The following SBSPON variants were observed in gnomAD, a reference collection of about 807,000 sequenced individuals.
The protein encoded by SBSPON is somatomedin B and thrombospondin type 1 domain containing.
In SBSPON, 30 loss-of-function variants were observed where a neutral mutation model predicts 35.8. The ratio of observed to expected loss-of-function variants is 0.84; its 90% confidence interval spans 0.63 to 1.14. The LOEUF is 1.14. Among genes scored for constraint, SBSPON ranks in the 50% most tolerant of loss-of-function variants. The pLI is 0.00. For missense variants in SBSPON, 364 were observed against 357.7 expected (o/e 1.02, Z -0.14); for synonymous variants, 136 against 135.9 (o/e 1.00, Z 0.00).
intron 2 of SBSPON, among the ~76,000 whole-genome samples, chr8:73,078,295 G>A (rs910512104): frequency 1.3e-5 from 2 of 152,162 alleles, no homozygotes; most frequent in African/African-American, 4.8e-5. Context: ...CTTGTGACAG[G>A]AGTAATCATC....
chr8:73,067,713 A>G (rs188235013), intron 4 of SBSPON, among the ~76,000 whole-genome samples: 40 of 7,686 alleles, frequency 5.2e-3, no homozygotes, highest in African/African-American at 0.018. Flanking sequence ...TTTTATAAAG[A>G]AAAATTATTT....
intron 2 of SBSPON, among the ~76,000 whole-genome samples, chr8:73,076,141 G>C (rs1290280711): frequency 6.6e-6 from 1 of 152,120 alleles, no homozygotes; most frequent in East Asian, 1.9e-4. Flanking sequence ...TTAGAGCCGG[G>C]AGATCCAGGT....
In SBSPON at chr8:73,069,874, A is replaced by G. The variant is rs771147323; in HGVS notation, c.608T>C (p.Val203Ala). The change falls in exon 4 of 5, where the codon GTG becomes GCG. Residue 203 changes from valine to alanine, a missense_variant. Val to Ala is a moderately conservative substitution (Grantham distance 64). Coordinates refer to ENST00000297354, the MANE Select transcript of SBSPON (RefSeq NM_153225.4). ...GTTCATAGCTGGAGGCTGACAATCC[A>G]CACACACCGTGTATCCCTCTCGGAG... ...QYLREGYTVCVDCQPPAMNSV... is the reference protein window; with the variant it reads ...QYLREGYTVCADCQPPAMNSV... 2.6e-5 allele frequency: 42 copies of G among 1,613,946 alleles called. No homozygotes were observed. The Middle Eastern group carries it at 8.2e-4, about 32-fold the overall frequency.
intron 1 of SBSPON, among the ~76,000 whole-genome samples, chr8:73,090,917 C>T (rs1184186953): frequency 2.0e-5 from 3 of 152,224 alleles, no homozygotes; most frequent in African/African-American, 7.2e-5. Context: ...TCTCACTATT[C>T]TACCGCCTAG....
intron 1 of SBSPON, chr8:73,086,005 G>C (rs974918443): frequency 2.6e-5 from 4 of 152,106 alleles, no homozygotes; most frequent in Non-Finnish European, 4.4e-5. Flanking sequence ...TCATTCCTAA[G>C]GAAATGTTCT....
chr8:73,088,936 A>G (rs1810883672), intron 1 of SBSPON, among the ~76,000 whole-genome samples: 1 of 152,136 alleles, frequency 6.6e-6, no homozygotes. Flanking sequence ...AAATGCTAGT[A>G]TAGGTCACCA....
rs572863551 is a variant in SBSPON at position 73,073,531 on chromosome 8, C to T, written c.410-1661G>A. Among the ~76,000 whole-genome samples the T allele has an allele frequency of 7.2e-5, 11 of 152,224 alleles. No individual in the cohort carries two copies. In the South Asian group the frequency reaches 2.1e-3, roughly 29 times the overall value. On this transcript the variant is annotated intron_variant, in intron 2 of 4. Coordinates refer to ENST00000297354, the MANE Select transcript of SBSPON (RefSeq NM_153225.4). Reference sequence around the variant, plus strand: ...AGGGAATTTAAGACAAAAGGCCAGGCACAGTGGCTCATGCCTGTAATCCCA... The same window carrying T: ...AGGGAATTTAAGACAAAAGGCCAGGTACAGTGGCTCATGCCTGTAATCCCA...
At position 73,088,288 on chromosome 8, in the gene SBSPON, A is replaced by T. The variant is rs73687086; in HGVS notation, c.214+4566T>A. Among the ~76,000 whole-genome samples the T allele has an allele frequency of 6.5e-3, 984 of 152,360 alleles. 5 individuals are homozygous for T. The highest frequency in any genetic ancestry group is 0.022 in the African/African-American group (897 of 41,590). ...AAATCAGAAGGAATAGAAGTAAAGC[A>T]TGCTTAGTTACACTGACTCAGTTAC... On this transcript the variant is annotated intron_variant, in intron 1 of 4. Transcript: ENST00000297354.
chr8:73,090,031 C>T (rs1262838750), intron 1 of SBSPON, among the ~76,000 whole-genome samples: 2 of 152,222 alleles, frequency 1.3e-5, no homozygotes, highest in African/African-American at 2.4e-5. Flanking sequence ...AAGGGCACCA[C>T]CACACCCAGC....
At chr8:73,083,605 C>T (rs915024814) in intron 1 of SBSPON, among the ~76,000 whole-genome samples, 5 of 152,198 alleles carry the variant, frequency 3.3e-5, no homozygotes, top group African/African-American at 9.7e-5. Flanking sequence ...TCCTTTTGGA[C>T]GATGCCAATA....
intron 1 of SBSPON, among the ~76,000 whole-genome samples, chr8:73,084,731 G>A (rs536861577): frequency 2.8e-5 from 4 of 144,990 alleles, no homozygotes; most frequent in South Asian, 2.2e-4. Flanking sequence ...TCTAGTCTTC[G>A]CCTAGCCCCA....
chr8:73,065,122 G>C lies in SBSPON; in HGVS notation c.*2219C>G, dbSNP rs1810363365. 6.6e-6 allele frequency: 1 copy of C among 152,024 alleles called. No homozygotes were observed. The highest frequency in any genetic ancestry group is 2.1e-4 in the South Asian group (1 of 4,822). The allele number at this position is 152,024 out of a possible 1,614,324, so 9.4% of individuals were successfully genotyped here. A position where few individuals can be genotyped will look rare whatever the true frequency, so the allele number is the denominator to read the frequency against. ...AGCTTTTCAAAACTGTTATTTAACA[G>C]TTAACTCCTCTAGCCCATAAAATTT... On this transcript the variant is annotated 3_prime_UTR_variant, in exon 5 of 5. Coordinates refer to ENST00000297354, the MANE Select transcript of SBSPON (RefSeq NM_153225.4).
In SBSPON at chr8:73,092,916, A is replaced by T. The variant is rs1027745587; in HGVS notation, c.152T>A (p.Phe51Tyr). The part of the protein sequence containing the change: ...WRLDRVYGTC[F>Y]CDQACRFTGD... ...GGTGAAGCGACAGGCTTGGTCGCAG[A>T]AACACGTCCCGTAGACCCTGTCCAG... is the stretch of plus-strand genomic sequence containing the variant. The change falls in exon 1 of 5, where the codon TTC (phenylalanine) becomes TAC (tyrosine). Residue 51 changes from phenylalanine to tyrosine, a missense_variant. By Grantham distance (22) the Phe-to-Tyr change is conservative (BLOSUM62 3). Transcript: ENST00000297354. The T allele has an allele frequency of 1.9e-6, 3 of 1,611,658 alleles. No homozygotes were observed. Among genetic ancestry groups the T allele is most frequent in the Non-Finnish European group, 2.5e-6 (3 of 1,179,458 alleles).
chr8:73,076,562 G>A (rs1246123368), intron 2 of SBSPON, among the ~76,000 whole-genome samples: 2 of 151,668 alleles, frequency 1.3e-5, no homozygotes, highest in South Asian at 2.1e-4. Flanking sequence ...CAGGAGAATC[G>A]CTTGAACCTG....
chr8:73,078,633 G>A (rs1315722425), intron 2 of SBSPON, among the ~76,000 whole-genome samples: 7 of 152,124 alleles, frequency 4.6e-5, no homozygotes, highest in East Asian at 1.9e-4. Context: ...ATAGGTTGGC[G>A]CTAGCTTTTA....
At position 73,074,275 on chromosome 8, in the gene SBSPON, G is replaced by T. The variant is rs184661184; in HGVS notation, c.410-2405C>A. Among the ~76,000 whole-genome samples, 7 of 152,250 alleles carry T rather than the reference G, an allele frequency of 4.6e-5. No homozygotes were observed. The East Asian group carries it at 1.3e-3, about 29-fold the overall frequency. On this transcript the variant is annotated intron_variant, in intron 2 of 4. Transcript: ENST00000297354. ...GTACTTAATGTATAGCTCAGAAAAA[G>T]AGGCTATGAAGTGGAAGGAAAACAT...
chr8:73,087,193 C>T (rs549649408), intron 1 of SBSPON, among the ~76,000 whole-genome samples: 3 of 152,158 alleles, frequency 2.0e-5, no homozygotes, highest in Non-Finnish European at 4.4e-5. Flanking sequence ...GGCAGAAAAA[C>T]ATCATGTTTT....
Position 73,081,223 on chromosome 8 carries a change from A to G in SBSPON, c.215-10T>C. ...ACGAAGCACGGGCGAGCTGAAAAAC[A>G]GCACAATAGGACGCTCACCTGAGTA... On this transcript the variant is annotated splice_polypyrimidine_tract_variant and intron_variant, in intron 1 of 4. Coordinates refer to ENST00000297354, the MANE Select transcript of SBSPON (RefSeq NM_153225.4). 1 of 1,570,174 alleles carries G rather than the reference A, an allele frequency of 6.4e-7. No homozygotes were observed. The highest frequency in any genetic ancestry group is 8.7e-7 in the Non-Finnish European group (1 of 1,155,566).
chr8:73,085,242 G>A (rs917692683), intron 1 of SBSPON, among the ~76,000 whole-genome samples: 5 of 152,078 alleles, frequency 3.3e-5, no homozygotes, highest in African/African-American at 4.8e-5. Context: ...TGTGCCTTAA[G>A]ATCAGGTAGG....
Sources: allele counts gnomAD v4.1 joint callset (sites outside exome capture counted in the v4.1 genomes callset), GRCh38; gene constraint gnomAD v4.1.1; transcripts MANE v1.5; gene names NCBI Gene and HGNC (gene_info 2026-07-23, HGNC 2026-07-21).